The following DDHD1 variants were observed in gnomAD, a reference collection of about 807,000 sequenced individuals.
DDHD1 encodes the protein DDHD domain containing 1.
Under a neutral mutation model 96.4 loss-of-function variants are expected in DDHD1, and 49 were observed. The observed-to-expected ratio is 0.51, with a 90% CI of 0.40 to 0.64. The LOEUF (loss-of-function observed/expected upper bound fraction) is 0.64, where lower values mean the gene tolerates loss of function less well. DDHD1 is among the 30% of genes least tolerant of loss of function. The pLI is 0.00. For synonymous variants in DDHD1, 442 were observed against 446.5 expected (o/e 0.99, Z 0.13); for missense variants, 1,106 against 1,161.2 (o/e 0.95, Z 0.69).
chr14:53,075,902 A>C (rs8003821), intron 4 of DDHD1, among the ~76,000 whole-genome samples: 10,778 of 152,170 alleles, frequency 0.071, 978 homozygotes, highest in African/African-American at 0.21. Flanking sequence ...TGGCTTACAG[A>C]ATATTTTAAG....
At chr14:53,152,130 C>G in intron 1 of DDHD1, 131 bp downstream of exon 1, 21 of 883,850 alleles carry the variant, frequency 2.4e-5, no homozygotes, top group Admixed American at 1.5e-4. Flanking sequence ...GCTCAATCTC[C>G]ATCCTGCCCC....
At chr14:53,103,340 TTGATA>T (rs1887450885) in intron 2 of DDHD1, 1 of 371,610 alleles carries the variant, frequency 2.7e-6, no homozygotes, top group African/African-American at 2.1e-5. Flanking sequence ...GAAACTTGTC[TTGATA>T]TAACAACAAG....
intron 1 of DDHD1, among the ~76,000 whole-genome samples, chr14:53,145,018 C>T (rs532183719): frequency 2.0e-5 from 3 of 152,176 alleles, no homozygotes; most frequent in Admixed American, 6.5e-5. Flanking sequence ...GGCGTGATGG[C>T]GCTGGCCTGT....
intron 1 of DDHD1, among the ~76,000 whole-genome samples, chr14:53,130,749 G>A (rs1889808217): frequency 6.6e-6 from 1 of 152,206 alleles, no homozygotes; most frequent in African/African-American, 2.4e-5. Context: ...CCATCTGTGT[G>A]GGGCCCCACT....
At chr14:53,058,659 ATGGTGAAG>A (rs1184915360) in intron 8 of DDHD1, 33 bp from the exon 9 acceptor site, 2 of 1,567,802 alleles carry the variant, frequency 1.3e-6, no homozygotes, top group Non-Finnish European at 1.7e-6. Context: ...AAGTTTAAAA[ATGGTGAAG>A]TGTTATCTTT....
At chr14:53,093,206 T>G (rs1886583156) in intron 3 of DDHD1, 110 bp downstream of exon 3, 2 of 1,146,174 alleles carry the variant, frequency 1.7e-6, no homozygotes, top group Admixed American at 3.7e-5. Flanking sequence ...GTCACTAAAT[T>G]TAATATACTT....
chr14:53,108,078 C>A (rs1887830343), intron 1 of DDHD1, among the ~76,000 whole-genome samples: 1 of 152,176 alleles, frequency 6.6e-6, no homozygotes, highest in Non-Finnish European at 1.5e-5. Context: ...CAACTGCACT[C>A]TTTTCTGGTC....
chr14:53,106,897 T>A (rs916243758), intron 1 of DDHD1, among the ~76,000 whole-genome samples: 2 of 152,226 alleles, frequency 1.3e-5, no homozygotes, highest in African/African-American at 2.4e-5. Context: ...TTCTAGTGAT[T>A]TGCTTTTCTT....
chr14:53,094,942 T>C (rs554288785), intron 2 of DDHD1, among the ~76,000 whole-genome samples: 18 of 152,310 alleles, frequency 1.2e-4, no homozygotes, highest in Non-Finnish European at 2.2e-4. Flanking sequence ...CTATTTTCTT[T>C]AGGAATTCGT....
intron 1 of DDHD1, among the ~76,000 whole-genome samples, chr14:53,110,452 T>C (rs1888021327): frequency 6.6e-6 from 1 of 152,372 alleles, no homozygotes; most frequent in Non-Finnish European, 1.5e-5. Flanking sequence ...ATCTTGCATA[T>C]GCTGTTCCTT....
In DDHD1 at chr14:53,143,760, A is replaced by C. The variant is rs1434141487; in HGVS notation, c.838+8501T>G. Among the ~76,000 whole-genome samples the C allele has an allele frequency of 2.0e-5, 3 of 152,248 alleles. No individual in the cohort carries two copies. In the East Asian group the frequency reaches 5.8e-4, roughly 29 times the overall value. ...ATGCGAGGGCAAATATTTAGGCTAA[A>C]TTGTAGGATCTAAGAACATAAAGTA... On this transcript the variant is annotated intron_variant, in intron 1 of 12. Coordinates refer to ENST00000673822, the MANE Select transcript of DDHD1 (RefSeq NM_001160148.2).
intron 1 of DDHD1, among the ~76,000 whole-genome samples, chr14:53,136,300 G>A (rs1890240503): frequency 6.6e-6 from 1 of 152,084 alleles, no homozygotes; most frequent in Non-Finnish European, 1.5e-5. Flanking sequence ...CTGTTTTGGT[G>A]GTCTCTTCAC....
At chr14:53,107,443 G>C (rs550261078) in intron 1 of DDHD1, among the ~76,000 whole-genome samples, 26 of 152,232 alleles carry the variant, frequency 1.7e-4, no homozygotes, top group Non-Finnish European at 2.8e-4. Context: ...GGGCAGGATG[G>C]AGCAGGATGG....
At chr14:53,102,313 A>G (rs182249120) in intron 2 of DDHD1, among the ~76,000 whole-genome samples, 26 of 152,214 alleles carry the variant, frequency 1.7e-4, no homozygotes, top group Admixed American at 6.5e-5. Flanking sequence ...ACAAAGTATT[A>G]CATGGCAATC....
chr14:53,128,422 G>C (rs1889617207), intron 1 of DDHD1, among the ~76,000 whole-genome samples: 1 of 152,144 alleles, frequency 6.6e-6, no homozygotes, highest in Non-Finnish European at 1.5e-5. Context: ...CCACTTTCTG[G>C]TTCATTGTGC....
At chr14:53,067,721 T>A (rs746275589) in intron 6 of DDHD1, among the ~76,000 whole-genome samples, 2 of 152,196 alleles carry the variant, frequency 1.3e-5, no homozygotes, top group Non-Finnish European at 2.9e-5. Context: ...CCTCCCAAAG[T>A]GTTGGGATTA....
rs1419468150 is a variant in DDHD1 at position 53,149,682 on chromosome 14, T to C, written c.838+2579A>G. 3.3e-5 allele frequency: 5 copies of C among 152,294 alleles called. No individual in the cohort carries two copies. In the South Asian group the frequency reaches 6.2e-4, roughly 19 times the overall value. 9.4% of individuals were successfully genotyped at this position (152,294 alleles called of 1,614,324 possible). On this transcript the variant is annotated intron_variant, in intron 1 of 12. Transcript: ENST00000673822. ...GAACTATTTAGAAAATGCTAAAATATAGATAAAAATAGGTGTTGCTCTTAT... is the reference window on the plus strand; with the variant it reads ...GAACTATTTAGAAAATGCTAAAATACAGATAAAAATAGGTGTTGCTCTTAT...
chr14:53,072,370 CAAAG>C (rs1884581170), intron 6 of DDHD1, among the ~76,000 whole-genome samples: 1 of 151,960 alleles, frequency 6.6e-6, no homozygotes, highest in Admixed American at 6.6e-5. Context: ...TGTCATGTCT[CAAAG>C]AACTATTTTC....
At chr14:53,139,603 T>A (rs113860300) in intron 1 of DDHD1, among the ~76,000 whole-genome samples, 2,110 of 152,168 alleles carry the variant, frequency 0.014, 20 homozygotes, top group Non-Finnish European at 0.022. Flanking sequence ...TGAGAATTAC[T>A]TGAACCTGGG....
Sources: gnomAD v4.1 joint callset for allele counts (sites outside exome capture counted in the v4.1 genomes callset) on GRCh38, gnomAD v4.1.1 for gene constraint, MANE v1.5 for transcripts, NCBI Gene and HGNC (gene_info 2026-07-23, HGNC 2026-07-21) for gene names.